The following TENM4 variants were observed in gnomAD, a reference collection of about 807,000 sequenced individuals.
TENM4 encodes the protein teneurin transmembrane protein 4, also known as teneurin-4.
Under a neutral mutation model 243.3 loss-of-function variants are expected in TENM4, and 82 were observed. The ratio of observed to expected loss-of-function variants is 0.34; its 90% CI spans 0.28 to 0.40. TENM4 has a LOEUF of 0.40. TENM4 is among the 10% of genes least tolerant of loss of function. The pLI is 1.00. For missense variants in TENM4, 3,138 were observed against 3,673.3 expected, an observed-to-expected ratio of 0.85 and a Z score of 3.77; for synonymous variants, 1,412 against 1,456.3, an observed-to-expected ratio of 0.97 and a Z score of 0.69.
intron 1 of TENM4, among the ~76,000 whole-genome samples, chr11:79,393,351 A>G (rs1858275130): frequency 6.6e-6 from 1 of 152,002 alleles, no homozygotes; most frequent in African/African-American, 2.4e-5. Context: ...TCCTAGACAG[A>G]TATCTCTCTG....
Position 78,738,514 on chromosome 11 carries a change from C to G in TENM4, c.2813G>C (p.Gly938Ala). ...GTTATTGACAAAACTGATGTTCACACCAACCAGGGGGGTTCCATCTGATGT... is the reference window on the plus strand; with the variant it reads ...GTTATTGACAAAACTGATGTTCACAGCAACCAGGGGGGTTCCATCTGATGT... The part of the protein sequence containing the change: ...VMTSDGTPLV[G>A]VNISFVNNPL... Residue 938 changes from glycine to alanine, a missense_variant, in exon 20 of 34, where the codon GGT becomes GCT. This residue lies in a region of TENM4 where 2,467 missense variants were observed against 3,059.1 expected (regional missense o/e 0.81). Coordinates refer to ENST00000278550, the MANE Select transcript of TENM4 (RefSeq NM_001098816.3). 1 of 1,613,918 alleles carries G rather than the reference C, an allele frequency of 6.2e-7. No homozygotes were observed. The highest frequency in any genetic ancestry group is 8.5e-7 in the Non-Finnish European group (1 of 1,179,854).
intron 1 of TENM4, among the ~76,000 whole-genome samples, chr11:79,428,232 G>A (rs1859095323): frequency 6.6e-6 from 1 of 152,170 alleles, no homozygotes; most frequent in African/African-American, 2.4e-5. Context: ...AATGTTAAAA[G>A]CCCTCTCCAA....
intron 12 of TENM4, among the ~76,000 whole-genome samples, chr11:78,825,568 T>TA (rs556506267): frequency 1.1e-4 from 17 of 152,080 alleles, no homozygotes; most frequent in African/African-American, 4.1e-4. Context: ...CACAAGTCTG[T>TA]AAAAAACAAG....
chr11:79,169,604 A>G (rs929039729), intron 3 of TENM4, among the ~76,000 whole-genome samples: 1 of 152,164 alleles, frequency 6.6e-6, no homozygotes, highest in Non-Finnish European at 1.5e-5. Flanking sequence ...TTTCTTGACA[A>G]GATCCAGTGT....
intron 6 of TENM4, among the ~76,000 whole-genome samples, chr11:78,920,827 G>C (rs1856431639): frequency 6.6e-6 from 1 of 152,226 alleles, no homozygotes; most frequent in South Asian, 2.1e-4. Flanking sequence ...ATTTGAGTCT[G>C]TGGCTGTTTT....
At position 79,094,639 on chromosome 11, in the gene TENM4, C is replaced by T. The variant is rs1027518702; in HGVS notation, c.-65-24630G>A. On this transcript the variant is annotated intron_variant, in intron 4 of 33. Coordinates refer to ENST00000278550, the MANE Select transcript of TENM4 (RefSeq NM_001098816.3). The stretch of plus-strand genomic sequence containing the variant: ...GAGGTAGTCCTCCCTTCAGCTCTGA[C>T]TGTCTCCCCAGCCTAGGAGGCTAGG... Among the ~76,000 whole-genome samples the T allele has an allele frequency of 2.6e-5, 4 of 152,184 alleles. No homozygotes were observed. The South Asian group carries it at 6.2e-4, about 24-fold the overall frequency.
chr11:78,934,852 T>C (rs1318419782), intron 6 of TENM4, among the ~76,000 whole-genome samples: 3 of 149,416 alleles, frequency 2.0e-5, no homozygotes, highest in Admixed American at 1.3e-4. Flanking sequence ...AGACATACTA[T>C]ATGCAAGTTT....
intron 2 of TENM4, among the ~76,000 whole-genome samples, chr11:79,251,615 A>AATT (rs1343458627): frequency 6.6e-6 from 1 of 152,198 alleles, no homozygotes; most frequent in African/African-American, 2.4e-5. Flanking sequence ...ATTACAAAAA[A>AATT]ATTAGAAATC....
At chr11:79,322,170 T>C (rs1190302678) in intron 1 of TENM4, among the ~76,000 whole-genome samples, 1 of 152,174 alleles carries the variant, frequency 6.6e-6, no homozygotes, top group Non-Finnish European at 1.5e-5. Flanking sequence ...ATGGCCCCTC[T>C]GCTGGGCTCC....
chr11:78,722,587 C>A, intron 24 of TENM4, 81 bp downstream of exon 24: 1 of 1,541,250 alleles, frequency 6.5e-7, no homozygotes, highest in Admixed American at 1.8e-5. Context: ...CTTCCCTGGG[C>A]TCAGCAGGTA....
At chr11:79,113,155 T>G (rs1591292091) in intron 4 of TENM4, among the ~76,000 whole-genome samples, 1 of 152,036 alleles carries the variant, frequency 6.6e-6, no homozygotes, top group Non-Finnish European at 1.5e-5. Flanking sequence ...TTATCATCCC[T>G]TCAAGTGAGA....
At chr11:79,186,143 ACTATGCTAC>A (rs879530597) in intron 3 of TENM4, among the ~76,000 whole-genome samples, 2 of 152,202 alleles carry the variant, frequency 1.3e-5, no homozygotes, top group Non-Finnish European at 2.9e-5. Context: ...TTTCCTTTAT[ACTATGCTAC>A]CTTTACTAAT....
chr11:79,225,919 T>C (rs759611678), intron 2 of TENM4, among the ~76,000 whole-genome samples: 4 of 152,178 alleles, frequency 2.6e-5, no homozygotes, highest in South Asian at 2.1e-4. Context: ...GTAATATGAA[T>C]GGATCCATGT....
chr11:78,716,378 A>G (rs1337485870), intron 25 of TENM4, among the ~76,000 whole-genome samples: 1 of 152,168 alleles, frequency 6.6e-6, no homozygotes, highest in Non-Finnish European at 1.5e-5. Context: ...TTATACTTTT[A>G]GTATCTGTAG....
rs534180767 is a variant in TENM4, at chr11:79,390,097, G to A, written c.-321+50412C>T. Among the ~76,000 whole-genome samples, 172 of 152,296 alleles carry A rather than the reference G, an allele frequency of 1.1e-3. 1 individual carries two copies. The highest frequency in any genetic ancestry group is 4.0e-3 in the African/African-American group (165 of 41,560). On this transcript the variant is annotated intron_variant, in intron 1 of 33. Transcript: ENST00000278550. ...GTTTAGTCTTGGCTTGGGCAGGTGAGGCCTAATACAGAGCAGTGGAATGAA... is the reference window on the plus strand; with the variant it reads ...GTTTAGTCTTGGCTTGGGCAGGTGAAGCCTAATACAGAGCAGTGGAATGAA...
chr11:78,941,391 G>A (rs1438323666), intron 6 of TENM4, among the ~76,000 whole-genome samples: 2 of 152,204 alleles, frequency 1.3e-5, no homozygotes, highest in Non-Finnish European at 2.9e-5. Context: ...GGCACATGGG[G>A]CTGGTGGGTG....
intron 1 of TENM4, among the ~76,000 whole-genome samples, chr11:79,343,165 C>A (rs72935004): frequency 0.044 from 6,643 of 152,322 alleles, 174 homozygotes; most frequent in Middle Eastern, 0.085. Context: ...CTCCTCCTGG[C>A]CCCTGGAAGA....
chr11:79,423,750 G>C (rs1271253404), intron 1 of TENM4, among the ~76,000 whole-genome samples: 1 of 151,970 alleles, frequency 6.6e-6, no homozygotes, highest in Non-Finnish European at 1.5e-5. Flanking sequence ...GAGTCTCTTT[G>C]GTTGATTTTT....
At position 78,708,955 on chromosome 11, in the gene TENM4, C is replaced by CT. The variant is rs752727661; in HGVS notation, c.4055-441dup. On this transcript the variant is annotated intron_variant, in intron 26 of 33. Transcript: ENST00000278550. ...CCTTTTTGGTAACCATTTTTCTTTT[C>CT]TTTCTTTTTCTTTCTTTTTTTTTTT... Among the ~76,000 whole-genome samples the CT allele has an allele frequency of 9.8e-4, 119 of 121,150 alleles. 1 individual carries two copies. The highest frequency in any genetic ancestry group is 5.6e-3 in the Admixed American group (68 of 12,118). 79.5% of individuals were successfully genotyped at this position (121,150 alleles called of 152,430 possible).
Sources: allele counts gnomAD v4.1 joint callset (sites outside exome capture counted in the v4.1 genomes callset), GRCh38; gene constraint gnomAD v4.1.1; regional missense constraint gnomAD v4.1.1; transcripts MANE v1.5; gene names NCBI Gene and HGNC (gene_info 2026-07-23, HGNC 2026-07-21).